Variants in NAALADL2 observed in about 807,000 individuals in gnomAD.
NAALADL2 encodes the protein N-acetylated alpha-linked acidic dipeptidase like 2.
NAALADL2 carries 76 observed loss-of-function variants against 87.2 expected under a neutral mutation model. That is an observed-to-expected ratio of 0.87 (90% CI 0.72 to 1.05). NAALADL2 has a LOEUF of 1.05. NAALADL2 is among the 50% of genes least tolerant of loss of function. The pLI is 0.00. For synonymous variants in NAALADL2, 354 were observed against 331.0 expected (o/e 1.07, Z -0.75); for missense variants, 1,089 against 945.8 (o/e 1.15, Z -1.99).
intron 1 of NAALADL2, among the ~76,000 whole-genome samples, chr3:174,505,769 G>A (rs1719165422): frequency 6.6e-6 from 1 of 152,090 alleles, no homozygotes; most frequent in African/African-American, 2.4e-5. Context: ...ACCAGCTACA[G>A]CTCATTTTTT....
At chr3:175,551,256 T>A (rs796732826) in intron 9 of NAALADL2, among the ~76,000 whole-genome samples, 13 of 152,224 alleles carry the variant, frequency 8.5e-5, no homozygotes, top group African/African-American at 2.6e-4. Flanking sequence ...TGAGAAAAAC[T>A]CTTTCATTTT....
chr3:174,846,220 A>C (rs1724600558), intron 3 of NAALADL2, among the ~76,000 whole-genome samples: 2 of 152,170 alleles, frequency 1.3e-5, no homozygotes, highest in African/African-American at 4.8e-5. Context: ...TAGTGTGGCC[A>C]AGGCAGAATG....
chr3:175,470,829 T>C (rs1724753305), intron 8 of NAALADL2, among the ~76,000 whole-genome samples: 1 of 151,916 alleles, frequency 6.6e-6, no homozygotes, highest in Non-Finnish European at 1.5e-5. Flanking sequence ...ATGCATCAGG[T>C]TTTTTTTAAG....
intron 2 of NAALADL2, among the ~76,000 whole-genome samples, chr3:174,613,312 T>C (rs1159296068): frequency 6.6e-6 from 1 of 152,202 alleles, no homozygotes; most frequent in East Asian, 1.9e-4. Context: ...GCCCTGGGGC[T>C]GTACAGTTAG....
chr3:175,072,981 G>C (rs4371529), intron 1 of NAALADL2, among the ~76,000 whole-genome samples: 2,915 of 152,028 alleles, frequency 0.019, 104 homozygotes, highest in African/African-American at 0.067. Context: ...TCTTAGGCTA[G>C]ATTTTAGAAA....
intron 5 of NAALADL2, among the ~76,000 whole-genome samples, chr3:175,370,938 T>C (rs563347470): frequency 9.2e-4 from 140 of 152,278 alleles, no homozygotes; most frequent in African/African-American, 3.2e-3. Context: ...ATGCTTGCTC[T>C]CTGGCCCTGA....
At chr3:175,199,862 ATATTTTTTTTTTTTTTTTTTTTT>A (rs1739735433) in intron 2 of NAALADL2, among the ~76,000 whole-genome samples, 1 of 13,790 alleles carries the variant, frequency 7.3e-5, no homozygotes, top group African/African-American at 2.9e-4. Flanking sequence ...ATATATATAT[ATATTTTTTTTTTTTTTTTTTTTT>A]TTTTTTTCCT....
At chr3:175,548,285 C>A (rs1713728347) in intron 9 of NAALADL2, among the ~76,000 whole-genome samples, 1 of 152,024 alleles carries the variant, frequency 6.6e-6, no homozygotes, top group Non-Finnish European at 1.5e-5. Flanking sequence ...TTTTCCTTAC[C>A]AAACTAACAC....
intron 5 of NAALADL2, among the ~76,000 whole-genome samples, chr3:175,422,846 TATCCA>T (rs1715938834): frequency 6.6e-6 from 1 of 151,648 alleles, no homozygotes; most frequent in Non-Finnish European, 1.5e-5. Context: ...TAATTGCCTT[TATCCA>T]AAGGAAAAAT....
rs139479104 is a variant in NAALADL2 at position 175,443,201 on chromosome 3, A to G, written c.1091-4028A>G. 5.5e-3 allele frequency among the ~76,000 whole-genome samples: 840 copies of G among 152,312 alleles called. 5 individuals are homozygous for G. Among genetic ancestry groups the G allele is most frequent in the Non-Finnish European group, 8.7e-3 (594 of 68,012 alleles). ...CCATTAAGCTGAAGGTAAAAAATTA[A>G]TGAGGCACTTACTTTAGATATTTCA... On this transcript the variant is annotated intron_variant, in intron 5 of 13. Coordinates refer to ENST00000454872, the MANE Select transcript of NAALADL2 (RefSeq NM_207015.3).
intron 1 of NAALADL2, among the ~76,000 whole-genome samples, chr3:175,002,086 T>C (rs1160846507): frequency 6.6e-6 from 1 of 152,148 alleles, no homozygotes; most frequent in East Asian, 1.9e-4. Flanking sequence ...ATACGTCCCA[T>C]GTGGAGCCAA....
At chr3:175,341,045 A>G (rs1038339597) in intron 5 of NAALADL2, among the ~76,000 whole-genome samples, 2 of 151,944 alleles carry the variant, frequency 1.3e-5, no homozygotes, top group African/African-American at 4.8e-5. Flanking sequence ...AAAATTCACC[A>G]TTTTAAATAC....
chr3:174,543,006 A>G (rs1722378969), intron 1 of NAALADL2, among the ~76,000 whole-genome samples: 1 of 152,130 alleles, frequency 6.6e-6, no homozygotes, highest in South Asian at 2.1e-4. Context: ...GTAAATAGAA[A>G]AATTTGTGGG....
At chr3:174,465,225 G>A (rs1159665676) in intron 1 of NAALADL2, among the ~76,000 whole-genome samples, 1 of 151,970 alleles carries the variant, frequency 6.6e-6, no homozygotes, top group East Asian at 1.9e-4. Context: ...GAATAATTGA[G>A]TAATTGGTAT....
intron 3 of NAALADL2, among the ~76,000 whole-genome samples, chr3:175,249,009 A>C (rs754514840): frequency 6.6e-6 from 1 of 152,062 alleles, no homozygotes; most frequent in Non-Finnish European, 1.5e-5. Context: ...TCTAGAGTCA[A>C]TGTTTGTTTC....
intron 3 of NAALADL2, among the ~76,000 whole-genome samples, chr3:174,848,882 C>T (rs988665268): frequency 6.6e-6 from 1 of 152,170 alleles, no homozygotes; most frequent in Non-Finnish European, 1.5e-5. Flanking sequence ...GTATAGCTTA[C>T]TGAACATCTA....
At chr3:174,758,647 C>A (rs1302391135) in intron 3 of NAALADL2, among the ~76,000 whole-genome samples, 1 of 152,148 alleles carries the variant, frequency 6.6e-6, no homozygotes, top group African/African-American at 2.4e-5. Flanking sequence ...TTTTGCCTTA[C>A]AATCGACTGT....
chr3:174,584,379 A>C (rs1232146343), intron 2 of NAALADL2, among the ~76,000 whole-genome samples: 1 of 152,172 alleles, frequency 6.6e-6, no homozygotes, highest in African/African-American at 2.4e-5. Flanking sequence ...AAGTATGTGT[A>C]CACTTCAACC....
At chr3:175,372,535 A>G (rs1262335242) in intron 5 of NAALADL2, among the ~76,000 whole-genome samples, 1 of 152,214 alleles carries the variant, frequency 6.6e-6, no homozygotes, top group South Asian at 2.1e-4. Flanking sequence ...GGCTGAAGCT[A>G]TAGTCATCAT....
Sources: allele counts gnomAD v4.1 joint callset (sites outside exome capture counted in the v4.1 genomes callset), GRCh38; gene constraint gnomAD v4.1.1; transcripts MANE v1.5; gene names NCBI Gene and HGNC (gene_info 2026-07-23, HGNC 2026-07-21).